TET1: variants seen among roughly 807,000 people sequenced by gnomAD.
TET1 encodes the protein tet methylcytosine dioxygenase 1, also known as methylcytosine dioxygenase TET1.
In TET1, 13 loss-of-function variants were observed where a neutral mutation model predicts 148.7. The observed-to-expected ratio is 0.09, with a 90% CI of 0.06 to 0.14. The LOEUF (loss-of-function observed/expected upper bound fraction) is 0.14. Ranked by LOEUF, TET1 falls within the 10% of genes least tolerant of loss-of-function variation. TET1 has a pLI of 1.00. For synonymous variants in TET1, 907 were observed against 937.2 expected, an observed-to-expected ratio of 0.97 and a Z score of 0.59; for missense variants, 2,182 against 2,553.8, an observed-to-expected ratio of 0.85 and a Z score of 3.14.
intron 1 of TET1, among the ~76,000 whole-genome samples, chr10:68,561,230 G>C (rs889630100): frequency 6.6e-6 from 1 of 152,140 alleles, no homozygotes; most frequent in Non-Finnish European, 1.5e-5. Flanking sequence ...GTGCTCAAGC[G>C]TACCCCCTAA....
chr10:68,635,421 C>A (rs1486822122), intron 3 of TET1, among the ~76,000 whole-genome samples: 1 of 152,096 alleles, frequency 6.6e-6, no homozygotes, highest in Non-Finnish European at 1.5e-5. Flanking sequence ...TAGCAAGACC[C>A]TGTCTCTTAA....
chr10:68,624,430 C>T (rs888085868), intron 3 of TET1, among the ~76,000 whole-genome samples: 7 of 152,068 alleles, frequency 4.6e-5, no homozygotes, highest in African/African-American at 1.7e-4. Flanking sequence ...GCTGGGATTA[C>T]AGGCATGCGC....
chr10:68,561,146 G>A (rs1230482236), intron 1 of TET1, among the ~76,000 whole-genome samples: 2 of 152,182 alleles, frequency 1.3e-5, no homozygotes, highest in East Asian at 3.9e-4. Flanking sequence ...TTGGGGAGTT[G>A]GAGGTCGGGG....
At chr10:68,637,738 A>G (rs1056397960) in intron 3 of TET1, among the ~76,000 whole-genome samples, 7 of 150,508 alleles carry the variant, frequency 4.7e-5, no homozygotes, top group African/African-American at 1.7e-4. Context: ...CCAGTGTGGT[A>G]GGGCACACCT....
intron 2 of TET1, among the ~76,000 whole-genome samples, chr10:68,598,142 A>C (rs979274513): frequency 1.3e-5 from 2 of 152,256 alleles, no homozygotes; most frequent in Admixed American, 1.3e-4. Flanking sequence ...TAATCCCAGC[A>C]CTTTGGGAGG....
chr10:68,640,281 T>C (rs1361948398), intron 3 of TET1, among the ~76,000 whole-genome samples: 2 of 149,986 alleles, frequency 1.3e-5, no homozygotes, highest in Admixed American at 6.6e-5. Context: ...TTTTTTTTTC[T>C]GAGAGGGAGT....
At chr10:68,676,190 C>T (rs867158878) in intron 8 of TET1, among the ~76,000 whole-genome samples, 1 of 80,664 alleles carries the variant, frequency 1.2e-5, no homozygotes, top group Non-Finnish European at 2.5e-5. Context: ...TGTGTGTATA[C>T]ACAAGATATA....
chr10:68,685,968 G>A (rs1222510767), intron 10 of TET1, among the ~76,000 whole-genome samples: 4 of 152,070 alleles, frequency 2.6e-5, no homozygotes, highest in Non-Finnish European at 5.9e-5. Flanking sequence ...GGTGCTATGT[G>A]AGCTAAAATC....
intron 1 of TET1, among the ~76,000 whole-genome samples, chr10:68,569,166 CTTTTT>C (rs34385747): frequency 1.4e-5 from 1 of 69,766 alleles, no homozygotes; most frequent in African/African-American, 5.8e-5. Context: ...AGGAGAGTTT[CTTTTT>C]TTTTTTTTTT....
intron 2 of TET1, among the ~76,000 whole-genome samples, chr10:68,577,763 G>A (rs981208296): frequency 2.0e-5 from 3 of 152,140 alleles, no homozygotes; most frequent in Admixed American, 2.0e-4. Flanking sequence ...AGCCAAGATC[G>A]CATAATTGCA....
intron 3 of TET1, among the ~76,000 whole-genome samples, chr10:68,642,215 C>A (rs1171228121): frequency 5.3e-5 from 8 of 152,054 alleles, no homozygotes; most frequent in Non-Finnish European, 8.8e-5. Context: ...TTGCTTCAGT[C>A]CAGCACTTCA....
At chr10:68,578,259 T>TTTTA (rs2053754595) in intron 2 of TET1, among the ~76,000 whole-genome samples, 1 of 152,060 alleles carries the variant, frequency 6.6e-6, no homozygotes, top group East Asian at 1.9e-4. Flanking sequence ...TTTTATTTTA[T>TTTTA]TTTATTTATT....
At chr10:68,663,055 C>G (rs1409297865) in intron 6 of TET1, among the ~76,000 whole-genome samples, 4 of 152,214 alleles carry the variant, frequency 2.6e-5, no homozygotes, top group African/African-American at 4.8e-5. Flanking sequence ...GTACAATGTT[C>G]ACTATTTTGG....
chr10:68,613,735 G>A (rs531391338), intron 3 of TET1, among the ~76,000 whole-genome samples: 25 of 152,194 alleles, frequency 1.6e-4, no homozygotes, highest in African/African-American at 5.5e-4. Flanking sequence ...TCAGGAGTTC[G>A]AGACCAGCCT....
chr10:68,651,763 A>C, intron 4 of TET1, 83 bp from the exon 5 acceptor site: 1 of 971,288 alleles, frequency 1.0e-6, no homozygotes, highest in Non-Finnish European at 1.5e-6. Flanking sequence ...ATTGAGGGGG[A>C]ACAAAAAGTA....
chr10:68,661,912 A>G (rs1296902166), intron 6 of TET1, among the ~76,000 whole-genome samples: 1 of 123,482 alleles, frequency 8.1e-6, no homozygotes, highest in African/African-American at 3.2e-5. Flanking sequence ...ATGGAGTTTC[A>G]CTGTTGCCTC....
At chr10:68,676,254 ATATATATATATATATT>A (rs2055353108) in intron 8 of TET1, among the ~76,000 whole-genome samples, 2 of 36,814 alleles carry the variant, frequency 5.4e-5, no homozygotes, top group African/African-American at 1.3e-4. Context: ...ATATATATAT[ATATATATATATATATT>A]TTTTTTTTTT....
intron 6 of TET1, among the ~76,000 whole-genome samples, chr10:68,660,180 C>T (rs576451924): frequency 2.0e-5 from 3 of 152,184 alleles, no homozygotes; most frequent in African/African-American, 7.2e-5. Context: ...ACCCTATTCC[C>T]TTTGGAAACC....
In TET1 at chr10:68,572,792, C is replaced by T; in HGVS notation, c.454C>T (p.His152Tyr). ...YKILPALGVKHSENDSVPMQD... is the reference protein window; with the variant it reads ...YKILPALGVKYSENDSVPMQD... ...GATACTCCCTGCTTTGGGAGTAAAGCACTCAGAAAATGATTCGGTTCCAAT... is the reference window on the plus strand; with the variant it reads ...GATACTCCCTGCTTTGGGAGTAAAGTACTCAGAAAATGATTCGGTTCCAAT... Residue 152 changes from histidine (H) to tyrosine (Y), a missense_variant, in exon 2 of 12, where the codon CAC becomes TAC. Around this residue, in one of 11 missense-constraint regions of TET1, gnomAD observed 665 missense variants for 672.4 expected, o/e 0.99. Coordinates refer to ENST00000373644, the MANE Select transcript of TET1 (RefSeq NM_030625.3). 1 of 1,614,132 alleles carries T rather than the reference C, an allele frequency of 6.2e-7. No homozygotes were observed. Among genetic ancestry groups the T allele is most frequent in the South Asian group, 1.1e-5 (1 of 91,078 alleles).
Sources: allele counts gnomAD v4.1 joint callset (sites outside exome capture counted in the v4.1 genomes callset), GRCh38; gene constraint gnomAD v4.1.1; regional missense constraint gnomAD v4.1.1; transcripts MANE v1.5; gene names NCBI Gene and HGNC (gene_info 2026-07-23, HGNC 2026-07-21).